FREM2: variants seen among roughly 807,000 people sequenced by gnomAD.
The protein encoded by FREM2 is FRAS1-related extracellular matrix protein 2.
Under a neutral mutation model 219.9 loss-of-function variants are expected in FREM2, and 119 were observed. The observed-to-expected ratio is 0.54, with a 90% CI of 0.47 to 0.63. The LOEUF is 0.63. Among genes scored for constraint, FREM2 ranks in the 30% least tolerant of loss-of-function variants. The pLI is 0.00. For synonymous variants in FREM2, 1,562 were observed against 1,522.8 expected, an observed-to-expected ratio of 1.03 and a Z score of -0.60; for missense variants, 4,030 against 3,993.6, an observed-to-expected ratio of 1.01 and a Z score of -0.25.
intron 4 of FREM2, among the ~76,000 whole-genome samples, chr13:38,780,218 C>G (rs760217196): frequency 7.2e-5 from 11 of 152,192 alleles, no homozygotes; most frequent in Non-Finnish European, 1.6e-4. Context: ...TGGATTTCCA[C>G]TCCTAAATCT....
chr13:38,873,740 A>T (rs17058707), intron 17 of FREM2, among the ~76,000 whole-genome samples: 1 of 152,208 alleles, frequency 6.6e-6, no homozygotes, highest in African/African-American at 2.4e-5. Context: ...GCAGGAAAAC[A>T]GAGTTAATAG....
chr13:38,775,793 A>AT (rs1167602182), intron 4 of FREM2, among the ~76,000 whole-genome samples: 1 of 152,014 alleles, frequency 6.6e-6, no homozygotes, highest in Non-Finnish European at 1.5e-5. Flanking sequence ...TAATTTTTGT[A>AT]TTTTTAGTAG....
intron 2 of FREM2, among the ~76,000 whole-genome samples, chr13:38,720,258 A>G (rs1871170173): frequency 6.6e-6 from 1 of 152,296 alleles, no homozygotes; most frequent in East Asian, 1.9e-4. Context: ...ATTTACTACT[A>G]TCTTATTGTT....
intron 2 of FREM2, among the ~76,000 whole-genome samples, chr13:38,743,796 A>G (rs1259256020): frequency 6.6e-6 from 1 of 152,096 alleles, no homozygotes; most frequent in Non-Finnish European, 1.5e-5. Flanking sequence ...CTCCCACTAT[A>G]TTGTGAGCTT....
rs2137912336 is a variant in FREM2 at position 38,851,807 on chromosome 13, G to T, written c.6864G>T (p.Val2288=). ...RQGDTSKVSI[V]RVHTKDGSAT... Reference sequence around the variant, plus strand: ...GAGACACTTCAAAGGTTTCCATTGTGAGAGTCCACACCAAGGATGGCTCGG... The same window carrying T: ...GAGACACTTCAAAGGTTTCCATTGTTAGAGTCCACACCAAGGATGGCTCGG... The change falls in exon 11 of 24, where the codon GTG becomes GTT. Residue 2288 remains valine, a synonymous_variant. Transcript: ENST00000280481. 1 of 1,613,982 alleles carries T rather than the reference G, an allele frequency of 6.2e-7. No homozygotes were observed. The highest frequency in any genetic ancestry group is 8.5e-7 in the Non-Finnish European group (1 of 1,179,930).
chr13:38,777,393 G>A (rs1458519545), intron 4 of FREM2, among the ~76,000 whole-genome samples: 2 of 152,164 alleles, frequency 1.3e-5, no homozygotes, highest in African/African-American at 4.8e-5. Context: ...CTCTTAGGCA[G>A]TAATGTGTAG....
chr13:38,848,729 A>T, intron 8 of FREM2, 59 bp downstream of exon 8: 1 of 1,361,956 alleles, frequency 7.3e-7, no homozygotes, highest in South Asian at 1.2e-5. Context: ...GCTAAGGTTT[A>T]TGTATATATG....
At chr13:38,845,269 G>A (rs1322211709) in intron 6 of FREM2, among the ~76,000 whole-genome samples, 2 of 152,184 alleles carry the variant, frequency 1.3e-5, no homozygotes, top group East Asian at 3.9e-4. Flanking sequence ...TGCACAAAAT[G>A]AATTTTCTTT....
chr13:38,760,074 A>G (rs1873168441), intron 2 of FREM2, among the ~76,000 whole-genome samples: 1 of 152,222 alleles, frequency 6.6e-6, no homozygotes, highest in African/African-American at 2.4e-5. Flanking sequence ...AATGTACAGA[A>G]GAGTTATGTA....
chr13:38,772,521 AACAG>A (rs1398736447), intron 4 of FREM2, among the ~76,000 whole-genome samples: 5 of 152,192 alleles, frequency 3.3e-5, no homozygotes, highest in South Asian at 2.1e-4. Flanking sequence ...GTTACTATGC[AACAG>A]ACAGTGTGTT....
intron 2 of FREM2, among the ~76,000 whole-genome samples, chr13:38,728,355 A>G (rs568619925): frequency 8.7e-4 from 132 of 152,246 alleles, no homozygotes; most frequent in African/African-American, 3.0e-3. Context: ...TGAGTTATTC[A>G]GAAGGTCTCA....
chr13:38,688,970 G>A lies in FREM2; in HGVS notation c.1626G>A (p.Arg542=). ...TTCGCATGGTGGATGGAGGAGGCAG[G>A]CACCAGGTACAGTTTCTGTTCCCCA... ...LVLRMVDGGG[R]HQVQFLFPIT... is the part of the protein sequence containing the mutation. Residue 542 remains arginine, a synonymous_variant, in exon 1 of 24, where the codon AGG becomes AGA. Transcript: ENST00000280481. 2 of 1,613,652 alleles carry A rather than the reference G, an allele frequency of 1.2e-6. No individual in the cohort carries two copies. Among genetic ancestry groups the A allele is most frequent in the Admixed American group, 1.7e-5 (1 of 59,980 alleles).
Position 38,886,445 on chromosome 13 carries a change from T to C in FREM2, c.*5658T>C, listed in dbSNP as rs1373401600. ...AGAGTTTCGCTCTTGTTGCCCAGGCTGGAGTGCAATGGAATGATCTTGGCT... is the reference window on the plus strand; with the variant it reads ...AGAGTTTCGCTCTTGTTGCCCAGGCCGGAGTGCAATGGAATGATCTTGGCT... On this transcript the variant is annotated 3_prime_UTR_variant, in exon 24 of 24. Transcript: ENST00000280481. 1 of 152,120 alleles carries C rather than the reference T, an allele frequency of 6.6e-6. No individual in the cohort carries two copies. Among genetic ancestry groups the C allele is most frequent in the African/African-American group, 2.4e-5 (1 of 41,348 alleles). 9.4% of individuals were successfully genotyped at this position (152,120 alleles called of 1,614,324 possible).
chr13:38,847,446 T>C (rs1877206923), intron 7 of FREM2, among the ~76,000 whole-genome samples: 1 of 152,222 alleles, frequency 6.6e-6, no homozygotes, highest in Non-Finnish European at 1.5e-5. Flanking sequence ...TTTAACTTTT[T>C]TAATGTAGTG....
At chr13:38,784,907 A>G (rs1353967234) in intron 6 of FREM2, 99 bp downstream of exon 6, 5 of 1,272,064 alleles carry the variant, frequency 3.9e-6, no homozygotes, top group East Asian at 2.4e-5. Flanking sequence ...CAATGATAAT[A>G]TACACATTTA....
intron 6 of FREM2, among the ~76,000 whole-genome samples, chr13:38,843,440 C>CAA (rs35771970): frequency 1.7e-4 from 24 of 140,396 alleles, no homozygotes; most frequent in Admixed American, 1.1e-3. Context: ...GTTTCTAGGC[C>CAA]AAAAAAAAAA....
chr13:38,851,572 G>A (rs1483025308), intron 10 of FREM2, 114 bp from the exon 11 acceptor site: 1 of 831,992 alleles, frequency 1.2e-6, no homozygotes. Context: ...ACAGAGAGAA[G>A]CCAGGAGTGT....
rs1878613995 is a variant in FREM2, at chr13:38,883,340, T to C, written c.*2553T>C. 6.6e-6 allele frequency: 1 copy of C among 152,160 alleles called. No individual in the cohort carries two copies. The highest frequency in any genetic ancestry group is 2.4e-5 in the African/African-American group (1 of 41,456). 9.4% of individuals were successfully genotyped at this position (152,160 alleles called of 1,614,324 possible). On this transcript the variant is annotated 3_prime_UTR_variant, in exon 24 of 24. Coordinates refer to ENST00000280481, the MANE Select transcript of FREM2 (RefSeq NM_207361.6). The stretch of plus-strand genomic sequence containing the variant: ...GTTAAATAAAATAGACCCTTATGTT[T>C]AGCATTTTGTTTTTAGAGAACTATT...
rs757578254 is a variant in FREM2 at position 38,856,165 on chromosome 13, A to C, written c.6965A>C (p.Glu2322Ala). The C allele has an allele frequency of 3.1e-6, 5 of 1,612,202 alleles. No homozygotes were observed. Among genetic ancestry groups the C allele is most frequent in the Non-Finnish European group, 4.2e-6 (5 of 1,178,332 alleles). The stretch of plus-strand genomic sequence containing the variant: ...GAAGGGGAAACCCAGCACGTGGTTG[A>C]AATCGAAGTTACCTTTGACGGGGTG... ...FKEGETQHVVEIEVTFDGVRE... is the reference protein window; with the variant it reads ...FKEGETQHVVAIEVTFDGVRE... The change falls in exon 12 of 24, where the codon GAA becomes GCA. Residue 2322 changes from glutamate (E) to alanine (A), a missense_variant. Transcript: ENST00000280481.
Sources: allele counts gnomAD v4.1 joint callset (sites outside exome capture counted in the v4.1 genomes callset), GRCh38; gene constraint gnomAD v4.1.1; transcripts MANE v1.5; gene names NCBI Gene and HGNC (gene_info 2026-07-23, HGNC 2026-07-21).